The following DIAPH2 variants were observed in gnomAD, a reference collection of about 807,000 sequenced individuals.
DIAPH2 encodes the protein diaphanous related formin 2.
In DIAPH2, 35 loss-of-function variants were observed where a neutral mutation model predicts 92.7. That is an observed-to-expected ratio of 0.38 (90% CI 0.29 to 0.50). The LOEUF is 0.50. Among genes scored for constraint, DIAPH2 ranks in the 20% least tolerant of loss-of-function variants. The pLI, the probability that DIAPH2 is intolerant of heterozygous loss-of-function variation, is 0.94. For missense variants in DIAPH2, 701 were observed against 819.5 expected (o/e 0.86, Z 1.77); for synonymous variants, 301 against 280.4 (o/e 1.07, Z -0.73).
At chrX:97,391,613 A>G (rs2069660234) in intron 25 of DIAPH2, among the ~76,000 whole-genome samples, 1 of 111,198 alleles carries the variant, frequency 9.0e-6, no homozygotes, top group Non-Finnish European at 1.9e-5. Flanking sequence ...AAAAGTGTAC[A>G]CTTTCCGTAA....
chrX:97,509,665 C>A (rs1208333691), intron 26 of DIAPH2, among the ~76,000 whole-genome samples: 29 of 100,543 alleles, frequency 2.9e-4, no homozygotes, highest in Admixed American at 4.3e-4. Flanking sequence ...CCACTCCCCC[C>A]ACCCCACAAC....
At chrX:97,385,453 G>T (rs545894239) in intron 25 of DIAPH2, among the ~76,000 whole-genome samples, 1 of 110,802 alleles carries the variant, frequency 9.0e-6, no homozygotes, top group African/African-American at 3.3e-5. Flanking sequence ...GGCTGGTCTC[G>T]AACTCCTGAC....
intron 22 of DIAPH2, among the ~76,000 whole-genome samples, chrX:97,235,601 C>CAAA (rs10563336): frequency 5.5e-4 from 29 of 53,161 alleles, no homozygotes; most frequent in East Asian, 1.3e-3. Flanking sequence ...GAGACTACGT[C>CAAA]AAAAAAAAAA....
chrX:97,273,397 T>G (rs761693451), intron 23 of DIAPH2, among the ~76,000 whole-genome samples: 10 of 111,969 alleles, frequency 8.9e-5, no homozygotes, highest in African/African-American at 3.2e-4. Flanking sequence ...CTACATTTAC[T>G]GAATGCAAAC....
chrX:97,215,494 G>A (rs1402426341), intron 22 of DIAPH2, among the ~76,000 whole-genome samples: 2 of 111,818 alleles, frequency 1.8e-5, no homozygotes, highest in African/African-American at 6.5e-5. Flanking sequence ...AGAGAAATGG[G>A]AATTAAGTTA....
At chrX:96,961,395 G>T (rs1602666286) in intron 16 of DIAPH2, among the ~76,000 whole-genome samples, 2 of 97,677 alleles carry the variant, frequency 2.0e-5, no homozygotes, top group Non-Finnish European at 4.1e-5. Context: ...GTTTATTTAG[G>T]TCTTTCTTTT....
At chrX:96,941,101 C>A (rs1030098564) in intron 12 of DIAPH2, among the ~76,000 whole-genome samples, 1 of 111,552 alleles carries the variant, frequency 9.0e-6, no homozygotes, top group African/African-American at 3.3e-5. Context: ...TTCTTGGGAC[C>A]AGACCCATTA....
intron 26 of DIAPH2, among the ~76,000 whole-genome samples, chrX:97,465,281 A>G (rs940742707): frequency 4.5e-5 from 5 of 111,289 alleles, no homozygotes; most frequent in African/African-American, 1.6e-4. Flanking sequence ...ACCCACACAC[A>G]CACACACACA....
chrX:97,266,225 A>G (rs1286966115), intron 23 of DIAPH2, among the ~76,000 whole-genome samples: 2 of 112,385 alleles, frequency 1.8e-5, no homozygotes, highest in East Asian at 2.8e-4. Context: ...CGAATAAGTC[A>G]TAGTACTTGT....
At chrX:96,882,737 G>A (rs1378290415) in intron 5 of DIAPH2, among the ~76,000 whole-genome samples, 1 of 109,466 alleles carries the variant, frequency 9.1e-6, no homozygotes, top group African/African-American at 3.3e-5. Context: ...CAAGTGGATC[G>A]CTTGAGTCCA....
chrX:97,235,759 A>T (rs6615900), intron 22 of DIAPH2, among the ~76,000 whole-genome samples: 39,200 of 108,093 alleles, frequency 0.36, 5,431 homozygotes, highest in East Asian at 0.64. Flanking sequence ...ATTTTTTTTT[A>T]AAATCCATTA....
intron 23 of DIAPH2, among the ~76,000 whole-genome samples, chrX:97,294,057 T>C (rs1190820540): frequency 8.9e-6 from 1 of 112,200 alleles, no homozygotes; most frequent in Non-Finnish European, 1.9e-5. Context: ...ATTGGCTGGA[T>C]TGAATATCTA....
intron 21 of DIAPH2, among the ~76,000 whole-genome samples, chrX:97,129,102 T>TTTTCTTTTCTTTTCTTTTCTTTTCTTTTC (rs1569308021): frequency 5.7e-4 from 36 of 63,115 alleles, no homozygotes; most frequent in African/African-American, 2.5e-3. Context: ...TTTTCTTTTC[T>TTTTCTTTTCTTTTCTTTTCTTTTCTTTTC]TTTCTTTTCT....
At chrX:97,270,217 C>G (rs1038489515) in intron 23 of DIAPH2, among the ~76,000 whole-genome samples, 1 of 110,803 alleles carries the variant, frequency 9.0e-6, no homozygotes, top group African/African-American at 3.3e-5. Context: ...GTGTGAGCCA[C>G]TGTGCCTGGC....
At chrX:96,838,184 T>C (rs1359633790) in intron 4 of DIAPH2, among the ~76,000 whole-genome samples, 1 of 111,955 alleles carries the variant, frequency 8.9e-6, no homozygotes, top group Non-Finnish European at 1.9e-5. Flanking sequence ...GTGACTAAAT[T>C]GATCAAATTC....
intron 22 of DIAPH2, among the ~76,000 whole-genome samples, chrX:97,204,011 G>A (rs2067775111): frequency 1.8e-5 from 2 of 111,949 alleles, no homozygotes; most frequent in South Asian, 3.7e-4. Flanking sequence ...TGCAAGGCTG[G>A]TTCAATATAT....
chrX:96,691,228 A>G (rs59570211), intron 1 of DIAPH2, among the ~76,000 whole-genome samples: 4,650 of 111,366 alleles, frequency 0.042, 244 homozygotes, highest in African/African-American at 0.14. Context: ...ACTCCAGTCT[A>G]CCATGCAGAA....
intron 26 of DIAPH2, among the ~76,000 whole-genome samples, chrX:97,559,468 G>T (rs377297128): frequency 2.9e-5 from 3 of 102,621 alleles, no homozygotes; most frequent in Non-Finnish European, 5.9e-5. Context: ...CCAGCCTGGC[G>T]ACTGAGTGAG....
At chrX:97,180,212 T>C (rs2067527871) in intron 22 of DIAPH2, among the ~76,000 whole-genome samples, 1 of 112,247 alleles carries the variant, frequency 8.9e-6, no homozygotes, top group African/African-American at 3.2e-5. Flanking sequence ...TCCATAGCCT[T>C]GCCAACATCT....
Sources: allele counts gnomAD v4.1 joint callset (sites outside exome capture counted in the v4.1 genomes callset), GRCh38; gene constraint gnomAD v4.1.1; transcripts MANE v1.5; gene names NCBI Gene and HGNC (gene_info 2026-07-23, HGNC 2026-07-21).